Variants in CASTOR1 observed in about 807,000 individuals in gnomAD.
CASTOR1 encodes cytosolic arginine sensor for mTORC1 subunit 1.
A neutral mutation model predicts 33.7 loss-of-function variants in CASTOR1; 18 were observed. That is an observed-to-expected ratio of 0.53 (90% confidence interval 0.37 to 0.79). CASTOR1 has a LOEUF of 0.79. CASTOR1 is among the 30% of genes least tolerant of loss of function. The pLI is 0.00. For synonymous variants in CASTOR1, 175 were observed against 190.6 expected (o/e 0.92, Z 0.67); for missense variants, 362 against 446.3 (o/e 0.81, Z 1.70).
intron 4 of CASTOR1, 48 bp from the exon 5 acceptor site, chr22:30,286,996 C>T: frequency 1.9e-6 from 3 of 1,576,592 alleles, no homozygotes; most frequent in South Asian, 2.3e-5. Flanking sequence ...GGCTGGGGCG[C>T]CCCCTGGTGG....
At chr22:30,286,775 G>C (rs1163188893) in intron 5 of CASTOR1, 50 bp downstream of exon 5, 3 of 1,611,796 alleles carry the variant, frequency 1.9e-6, no homozygotes, top group South Asian at 1.1e-5. Context: ...TGGTGGGACA[G>C]AGTGTAGGGA....
intron 8 of CASTOR1, 24 bp downstream of exon 8, chr22:30,285,808 T>TCTGCCCCAGCCCTTGGTGCTCCCC (rs6147585): frequency 0.81 from 1,209,186 of 1,491,694 alleles, 488,578 homozygotes; most frequent in African/African-American, 0.96. Flanking sequence ...CACTCTCCCC[T>TCTGCCCCAGCCCTTGGTGCTCCCC]CTGCCCCAGC....
Position 30,287,203 on chromosome 22 carries a change from G to C in CASTOR1, c.457C>G (p.Pro153Ala). ...TTGCTGGAATCATCCCTCGTCACAG[G>C]CACAGGCTCTCCGCCCACCTCGCGG... ...IYREVGGEPV[P>A]VTRDDSSNGF... Residue 153 changes from proline (P) to alanine (A), a missense_variant, in exon 4 of 9, where the codon CCT (proline) becomes GCT (alanine). Coordinates refer to ENST00000407689, the MANE Select transcript of CASTOR1 (RefSeq NM_001037666.3). 2.5e-6 allele frequency: 4 copies of C among 1,609,056 alleles called. No individual in the cohort carries two copies. The African/African-American group carries it at 5.3e-5, about 21-fold the overall frequency.
chr22:30,289,123 G>A (rs1198859719), intron 1 of CASTOR1: 2 of 568,772 alleles, frequency 3.5e-6, no homozygotes, highest in Non-Finnish European at 6.2e-6. Context: ...CAGTGACCAG[G>A]TAGGAATGCC....
chr22:30,288,253 T>G lies in CASTOR1; in HGVS notation c.184+453A>C, dbSNP rs373911152. Among the ~76,000 whole-genome samples the G allele has an allele frequency of 4.6e-5, 7 of 152,350 alleles. No individual in the cohort carries two copies. In the East Asian group the frequency reaches 1.4e-3, roughly 29 times the overall value. On this transcript the variant is annotated intron_variant, in intron 2 of 8. Transcript: ENST00000407689. ...AGGCCTCCAGGACCCTCCCCTGAGA[T>G]GGCTGCCTGCTCCTGCATTCCTTCC...
chr22:30,287,914 A>C (rs184312647), intron 2 of CASTOR1: 42 of 512,310 alleles, frequency 8.2e-5, no homozygotes, highest in Non-Finnish European at 1.5e-4. Context: ...TCTGTGGGTT[A>C]GCAGAAGCTT....
Position 30,285,932 on chromosome 22 carries a change from G to A in CASTOR1, c.827-6C>T, listed in dbSNP as rs746045837. 5 of 1,601,504 alleles carry A rather than the reference G, an allele frequency of 3.1e-6. No individual in the cohort carries two copies. In the South Asian group the frequency reaches 5.6e-5, roughly 18 times the overall value. ...TGCCACGATGCCACATTCATCTGAG[G>A]GTGGTGGAGGAAGGCCACATGTGGC... On this transcript the variant is annotated splice_region_variant and splice_polypyrimidine_tract_variant and intron_variant, in intron 7 of 8. Coordinates refer to ENST00000407689, the MANE Select transcript of CASTOR1 (RefSeq NM_001037666.3).
chr22:30,286,610 C>A, intron 5 of CASTOR1: 1 of 704,774 alleles, frequency 1.4e-6, no homozygotes, highest in South Asian at 1.7e-5. Flanking sequence ...AGGGCCAGAC[C>A]AGGGCATGGC....
Position 30,286,564 on chromosome 22 carries a change from C to T in CASTOR1, c.630-188G>A, listed in dbSNP as rs1311918830. ...GTGGGGATGGGGGAGGACAATGAAC[C>T]CAGCCTGTGCCAAAAACAAAGGATT... On this transcript the variant is annotated intron_variant, in intron 5 of 8. Transcript: ENST00000407689. The T allele has an allele frequency of 7.6e-6, 5 of 658,672 alleles. No homozygotes were observed. In the Admixed American group the frequency reaches 1.3e-4, roughly 17 times the overall value. The allele number at this position is 658,672 out of a possible 1,614,324, so 40.8% of individuals were successfully genotyped here. A position where few individuals can be genotyped will look rare whatever the true frequency, so the allele number is the denominator to read the frequency against.
At chr22:30,289,122 G>GT (rs1268089396) in intron 1 of CASTOR1, 1 of 568,960 alleles carries the variant, frequency 1.8e-6, no homozygotes, top group East Asian at 3.1e-5. Context: ...GCAGTGACCA[G>GT]GTAGGAATGC....
chr22:30,288,483 A>G (rs1342486329), intron 2 of CASTOR1, among the ~76,000 whole-genome samples: 2 of 152,160 alleles, frequency 1.3e-5, no homozygotes, highest in African/African-American at 4.8e-5. Context: ...ATGTATCAGA[A>G]CCATAACTAT....
chr22:30,285,890 AG>A lies in CASTOR1; in HGVS notation c.862del (p.Leu288TrpfsTer69). 3 of 1,609,820 alleles carry A rather than the reference AG, an allele frequency of 1.9e-6. No individual in the cohort carries two copies. ...GTAGGCAGAGATGTCAGCGGCAGCC[AG>A]GGGACCTGCAATCTGTGCCACGATG... is the stretch of plus-strand genomic sequence containing the variant. Reference protein sequence around the residue: ...CGIVAQIAGPLAAADISAYYI... With the variant: ...CGIVAQIAGPXAAADISAYYI... On this transcript the variant is annotated frameshift_variant, in exon 8 of 9. Coordinates refer to ENST00000407689, the MANE Select transcript of CASTOR1 (RefSeq NM_001037666.3). LOFTEE classifies it high-confidence loss of function.
At position 30,288,779 on chromosome 22, in the gene CASTOR1, G is replaced by A. The variant is rs1310982319; in HGVS notation, c.114-3C>T. 1 of 1,609,772 alleles carries A rather than the reference G, an allele frequency of 6.2e-7. No homozygotes were observed. Among genetic ancestry groups the A allele is most frequent in the Non-Finnish European group, 8.5e-7 (1 of 1,178,308 alleles). On this transcript the variant is annotated splice_region_variant and splice_polypyrimidine_tract_variant and intron_variant, in intron 1 of 8. Transcript: ENST00000407689. ...CCGTCAGGCTGAAGAACTTGCACCTGGTTGGGGGTGGGGAGCATCTTCAGC... is the reference window on the plus strand; with the variant it reads ...CCGTCAGGCTGAAGAACTTGCACCTAGTTGGGGGTGGGGAGCATCTTCAGC...
rs781657051 is a variant in CASTOR1 at position 30,286,386 on chromosome 22, G to A, written c.630-10C>T. On this transcript the variant is annotated splice_polypyrimidine_tract_variant and intron_variant, in intron 5 of 8. Coordinates refer to ENST00000407689, the MANE Select transcript of CASTOR1 (RefSeq NM_001037666.3). ...TGCCTCCTTGGGGGTGCTGGGGAGG[G>A]ATGGGAGGTTTAGGGGCTCTACCAG... is the stretch of plus-strand genomic sequence containing the variant. 1.5e-5 allele frequency: 24 copies of A among 1,587,038 alleles called. No individual in the cohort carries two copies. Among genetic ancestry groups the A allele is most frequent in the Non-Finnish European group, 1.9e-5 (22 of 1,156,026 alleles).
At position 30,286,320 on chromosome 22, in the gene CASTOR1, G is replaced by A. The variant is rs1423795354; in HGVS notation, c.686C>T (p.Ala229Val). The A allele has an allele frequency of 6.2e-7, 1 of 1,614,004 alleles. No individual in the cohort carries two copies. Among genetic ancestry groups the A allele is most frequent in the African/African-American group, 1.3e-5 (1 of 74,944 alleles). ...GATATAACCCTCGATGAGGGAGAAG[G>A]CAAAGAACGTGATGGAGCTGGGTTC... ...SPEPSSITFFAFSLIEGYISI... is the reference protein window; with the variant it reads ...SPEPSSITFFVFSLIEGYISI... Residue 229 changes from alanine (A) to valine (V), a missense_variant, in exon 6 of 9, where the codon GCC becomes GTC. Ala to Val is a moderately conservative substitution (Grantham distance 64, BLOSUM62 0). Transcript: ENST00000407689.
chr22:30,286,756 G>T lies in CASTOR1; in HGVS notation c.629+69C>A, dbSNP rs187450029. 4.9e-4 allele frequency: 785 copies of T among 1,598,256 alleles called. 3 individuals are homozygous for T. The African/African-American group carries it at 8.5e-3, about 17-fold the overall frequency. ...GCAAGAGGTGCAAAACTGATAGATGGGCGGAAAGTGGTGGGACAGAGTGTA... is the reference window on the plus strand; with the variant it reads ...GCAAGAGGTGCAAAACTGATAGATGTGCGGAAAGTGGTGGGACAGAGTGTA... On this transcript the variant is annotated intron_variant, in intron 5 of 8. Transcript: ENST00000407689.
intron 1 of CASTOR1, 34 bp from the exon 2 acceptor site, chr22:30,288,810 G>A (rs767735198): frequency 2.5e-6 from 4 of 1,579,188 alleles, no homozygotes; most frequent in African/African-American, 2.7e-5. Flanking sequence ...TCAGCTTGGT[G>A]TGGAGAACTA....
chr22:30,286,408 C>G (rs991751083), intron 5 of CASTOR1, 32 bp from the exon 6 acceptor site: 34 of 1,417,426 alleles, frequency 2.4e-5, no homozygotes, highest in Non-Finnish European at 3.3e-5. Context: ...AGGGGCTCTA[C>G]CAGGCACCCA....
At position 30,285,468 on chromosome 22, in the gene CASTOR1, G is replaced by T; in HGVS notation, c.*152C>A. 1 of 623,924 alleles carries T rather than the reference G, an allele frequency of 1.6e-6. No homozygotes were observed. Among genetic ancestry groups the T allele is most frequent in the Non-Finnish European group, 2.8e-6 (1 of 357,420 alleles). The allele number at this position is 623,924 out of a possible 1,614,324, so 38.6% of individuals were successfully genotyped here. A position where few individuals can be genotyped will look rare whatever the true frequency, so the allele number is the denominator to read the frequency against. On this transcript the variant is annotated 3_prime_UTR_variant, in exon 9 of 9. Coordinates refer to ENST00000407689, the MANE Select transcript of CASTOR1 (RefSeq NM_001037666.3). ...GTACACAGGTGTCCGCGTAAAAGCC[G>T]GTGCCTGCACGCAGCTTACATACAG... is the stretch of plus-strand genomic sequence containing the variant.
Sources: gnomAD v4.1 joint callset for allele counts (sites outside exome capture counted in the v4.1 genomes callset) on GRCh38, gnomAD v4.1.1 for gene constraint, MANE v1.5 for transcripts, NCBI Gene and HGNC (gene_info 2026-07-23, HGNC 2026-07-21) for gene names.